GLIS3: variants seen among roughly 807,000 people sequenced by gnomAD.
GLIS3 encodes zinc finger protein GLIS3.
In GLIS3, 53 loss-of-function variants were observed where a neutral mutation model predicts 78.6. The ratio of observed to expected loss-of-function variants is 0.67; its 90% CI spans 0.54 to 0.85. The LOEUF (loss-of-function observed/expected upper bound fraction) is 0.85. Among genes scored for constraint, GLIS3 ranks in the 40% least tolerant of loss-of-function variants. The probability of loss-of-function intolerance (pLI) is 0.00; values close to 1 mark genes in which losing one functional copy is unlikely to be tolerated. For synonymous variants in GLIS3, 684 were observed against 509.9 expected (o/e 1.34, Z -4.60); for missense variants, 1,703 against 1,231.1 (o/e 1.38, Z -5.74).
chr9:4,378,942 G>A, the GLIS3 span, among the ~76,000 whole-genome samples: 1 of 152,314 alleles, frequency 6.6e-6, no homozygotes. Flanking sequence ...AAATGAAGGG[G>A]ATTGAGGCCA....
intron 4 of GLIS3, among the ~76,000 whole-genome samples, chr9:4,101,990 G>C (rs1416809541): frequency 1.3e-5 from 2 of 152,054 alleles, no homozygotes; most frequent in South Asian, 4.2e-4. Context: ...CATATATTAT[G>C]GTTTTAATAT....
At chr9:3,942,518 G>A (rs1474017375) in intron 4 of GLIS3, among the ~76,000 whole-genome samples, 2 of 152,188 alleles carry the variant, frequency 1.3e-5, no homozygotes, top group Non-Finnish European at 2.9e-5. Flanking sequence ...AATCAAGCAC[G>A]TACCTTCAAA....
the GLIS3 span, among the ~76,000 whole-genome samples, chr9:4,432,388 A>C: frequency 1.3e-5 from 2 of 152,212 alleles, no homozygotes; most frequent in Non-Finnish European, 2.9e-5. Context: ...GCAAATGTAT[A>C]GCAGCAAGAA....
At chr9:4,095,322 T>C (rs572079465) in intron 4 of GLIS3, among the ~76,000 whole-genome samples, 5 of 152,300 alleles carry the variant, frequency 3.3e-5, no homozygotes, top group African/African-American at 1.2e-4. Context: ...ATTCTGAGTA[T>C]TTCTAAATTT....
chr9:4,483,521 C>A, the GLIS3 span, among the ~76,000 whole-genome samples: 7 of 151,890 alleles, frequency 4.6e-5, no homozygotes, highest in African/African-American at 1.5e-4. Flanking sequence ...AGTTTGAGAC[C>A]AGCCTGACCA....
intron 2 of GLIS3, among the ~76,000 whole-genome samples, chr9:4,222,369 G>C (rs1342940321): frequency 1.3e-5 from 2 of 152,188 alleles, no homozygotes; most frequent in Admixed American, 6.5e-5. Context: ...TCATAACTCA[G>C]TTCTTCCAGA....
intron 2 of GLIS3, among the ~76,000 whole-genome samples, chr9:4,218,742 G>A (rs1328425170): frequency 6.6e-6 from 1 of 152,126 alleles, no homozygotes; most frequent in African/African-American, 2.4e-5. Context: ...AGCCACATGT[G>A]GCTAATGGCT....
At chr9:4,270,047 G>A (rs888747004) in intron 2 of GLIS3, among the ~76,000 whole-genome samples, 8 of 152,290 alleles carry the variant, frequency 5.3e-5, no homozygotes, top group Admixed American at 1.3e-4. Flanking sequence ...TAAGACAGAC[G>A]TGCATTCCCA....
Position 4,062,769 on chromosome 9 carries a change from T to C in GLIS3, c.1710+54999A>G, listed in dbSNP as rs534278614. On this transcript the variant is annotated intron_variant, in intron 4 of 10. Coordinates refer to ENST00000381971, the MANE Select transcript of GLIS3 (RefSeq NM_001042413.2). ...AGCGAAACCCCATCTCTACTAAAAA[T>C]ACAAAAAAAATTAGCCAGGCACGGT... Among the ~76,000 whole-genome samples, 4 of 151,544 alleles carry C rather than the reference T, an allele frequency of 2.6e-5. No individual in the cohort carries two copies. In the South Asian group the frequency reaches 8.4e-4, roughly 32 times the overall value.
chr9:4,123,574 A>C (rs2130904429), intron 3 of GLIS3: 1 of 338,028 alleles, frequency 3.0e-6, no homozygotes, highest in East Asian at 4.5e-5. Context: ...TTTCTTTATA[A>C]AGTGGAATCC....
intron 7 of GLIS3, among the ~76,000 whole-genome samples, chr9:3,880,963 G>C (rs1192376424): frequency 6.6e-6 from 1 of 152,184 alleles, no homozygotes; most frequent in Non-Finnish European, 1.5e-5. Context: ...GCCTGAAAAT[G>C]CTTACCAGTT....
intron 4 of GLIS3, among the ~76,000 whole-genome samples, chr9:4,111,122 C>T (rs1343729124): frequency 6.6e-6 from 1 of 152,164 alleles, no homozygotes; most frequent in Non-Finnish European, 1.5e-5. Context: ...AAAGGTTCGA[C>T]ATACATTCCC....
At chr9:4,447,811 T>C in the GLIS3 span, among the ~76,000 whole-genome samples, 1 of 152,228 alleles carries the variant, frequency 6.6e-6, no homozygotes, top group Non-Finnish European at 1.5e-5. Context: ...CTGAGCCCAG[T>C]CCTCTGTTCA....
chr9:4,445,442 C>A, the GLIS3 span, among the ~76,000 whole-genome samples: 16,354 of 152,120 alleles, frequency 0.11, 1,048 homozygotes, highest in South Asian at 0.19. Flanking sequence ...GCCTGGGCAA[C>A]ATAGTGGGAC....
At chr9:4,455,846 C>T in the GLIS3 span, among the ~76,000 whole-genome samples, 1 of 151,940 alleles carries the variant, frequency 6.6e-6, no homozygotes, top group South Asian at 2.1e-4. Context: ...GGTGTGGTGG[C>T]TCACACCTGT....
intron 6 of GLIS3, among the ~76,000 whole-genome samples, chr9:3,930,295 G>C (rs1439965093): frequency 4.6e-5 from 7 of 152,132 alleles, no homozygotes; most frequent in Non-Finnish European, 1.0e-4. Context: ...CAAAAGCTAA[G>C]CCATTTGAGA....
At chr9:4,395,926 A>T in the GLIS3 span, among the ~76,000 whole-genome samples, 1 of 151,542 alleles carries the variant, frequency 6.6e-6, no homozygotes, top group Admixed American at 6.6e-5. Flanking sequence ...GGCATGCACC[A>T]CCACGCCCAG....
Position 3,827,391 on chromosome 9 carries a change from C to CT in GLIS3, c.*880dup, listed in dbSNP as rs1817779570. The stretch of plus-strand genomic sequence containing the variant: ...AACAACATTTTTCTTTGAACACAGT[C>CT]TTTGAGGTGGAGTTACTAAACAGTC... On this transcript the variant is annotated 3_prime_UTR_variant, in exon 11 of 11. Transcript: ENST00000381971. 6.6e-6 allele frequency: 1 copy of CT among 152,210 alleles called. No homozygotes were observed. The highest frequency in any genetic ancestry group is 1.5e-5 in the Non-Finnish European group (1 of 68,068). The allele number at this position is 152,210 out of a possible 1,614,324, so 9.4% of individuals were successfully genotyped here. A position where few individuals can be genotyped will look rare whatever the true frequency, so the allele number is the denominator to read the frequency against.
intron 2 of GLIS3, among the ~76,000 whole-genome samples, chr9:4,175,853 A>T (rs12683547): frequency 6.6e-6 from 1 of 152,230 alleles, no homozygotes; most frequent in Non-Finnish European, 1.5e-5. Flanking sequence ...TAAAAGAAGT[A>T]TCATCATCCT....
Sources: gnomAD v4.1 joint callset for allele counts (sites outside exome capture counted in the v4.1 genomes callset) on GRCh38, gnomAD v4.1.1 for gene constraint, MANE v1.5 for transcripts, NCBI Gene and HGNC (gene_info 2026-07-23, HGNC 2026-07-21) for gene names.